The following ZNF679 variants were observed in gnomAD, a reference collection of about 807,000 sequenced individuals.
The protein encoded by ZNF679 is zinc finger protein 679, also known as hypothetical protein MGC42415.
In ZNF679, 10 loss-of-function variants were observed where a neutral mutation model predicts 13.4. The ratio of observed to expected loss-of-function variants is 0.75; its 90% CI spans 0.46 to 1.27. ZNF679 has a LOEUF of 1.27. Among genes scored for constraint, ZNF679 ranks in the 50% most tolerant of loss-of-function variants. ZNF679 has a pLI of 0.00. For synonymous variants in ZNF679, 179 were observed against 162.5 expected, an observed-to-expected ratio of 1.10 and a Z score of -0.77; for missense variants, 525 against 477.8, an observed-to-expected ratio of 1.10 and a Z score of -0.92.
chr7:64,259,014 C>T (rs1239200156), intron 2 of ZNF679, among the ~76,000 whole-genome samples: 9 of 152,008 alleles, frequency 5.9e-5, no homozygotes, highest in South Asian at 2.1e-4. Flanking sequence ...TGGGTTCAAG[C>T]GATTCTCCTG....
At chr7:64,260,985 G>C in intron 4 of ZNF679, 56 bp downstream of exon 4, 1 of 1,518,642 alleles carries the variant, frequency 6.6e-7, no homozygotes, top group Non-Finnish European at 8.9e-7. Context: ...AAGTCAAGGA[G>C]GAAGCCAGTC....
intron 2 of ZNF679, among the ~76,000 whole-genome samples, chr7:64,258,773 T>G (rs1337645102): frequency 6.6e-6 from 1 of 152,150 alleles, no homozygotes; most frequent in Non-Finnish European, 1.5e-5. Context: ...ATATGTTTAC[T>G]TCTCTGCTTG....
At chr7:64,251,646 G>A (rs962961338) in intron 2 of ZNF679, among the ~76,000 whole-genome samples, 2 of 152,078 alleles carry the variant, frequency 1.3e-5, no homozygotes, top group African/African-American at 4.8e-5. Flanking sequence ...CTGGTTCTGG[G>A]TCTTAGTACT....
intron 2 of ZNF679, among the ~76,000 whole-genome samples, chr7:64,257,426 TA>T (rs1788018049): frequency 6.6e-6 from 1 of 152,242 alleles, no homozygotes; most frequent in Non-Finnish European, 1.5e-5. Flanking sequence ...TTGTTCTATA[TA>T]TTTTCTTTTA....
intron 2 of ZNF679, 140 bp downstream of exon 2, chr7:64,249,296 G>C (rs1787911860): frequency 7.3e-7 from 1 of 1,374,940 alleles, no homozygotes; most frequent in Non-Finnish European, 1.0e-6. Context: ...CAGGTGGGCT[G>C]TTAGTCCCCT....
rs759288329 is a variant in ZNF679 at position 64,249,167 on chromosome 7, G to A, written c.39+11G>A. The stretch of plus-strand genomic sequence containing the variant: ...GGAAGCCGAGAAATGGTGAGTGCTG[G>A]GTCTGTCACCGTGAGAGAGGGGTGA... On this transcript the variant is annotated intron_variant, in intron 2 of 4. Transcript: ENST00000421025. 4 of 1,614,106 alleles carry A rather than the reference G, an allele frequency of 2.5e-6. No individual in the cohort carries two copies. Among genetic ancestry groups the A allele is most frequent in the Non-Finnish European group, 3.4e-6 (4 of 1,180,008 alleles).
intron 4 of ZNF679, among the ~76,000 whole-genome samples, chr7:64,265,102 G>T (rs1292971146): frequency 3.3e-5 from 5 of 151,724 alleles, no homozygotes; most frequent in Admixed American, 2.0e-4. Context: ...CAAAATTTTT[G>T]ATTTTTTTGA....
At position 64,266,006 on chromosome 7, in the gene ZNF679, G is replaced by A; in HGVS notation, c.373G>A (p.Val125Ile). The change falls in exon 5 of 5, where the codon GTA becomes ATA. Residue 125 changes from valine (V) to isoleucine (I), a missense_variant. Val to Ile is a conservative substitution (Grantham distance 29). Coordinates refer to ENST00000421025, the MANE Select transcript of ZNF679 (RefSeq NM_153363.3). ...AAAAAGTGGACATGACAATTTACAA[G>A]TAAAAACATGTAAAAGCATGGGTGA... The part of the protein sequence containing the change: ...YGKSGHDNLQ[V>I]KTCKSMGECE... 6.2e-7 allele frequency: 1 copy of A among 1,613,492 alleles called. No homozygotes were observed. The highest frequency in any genetic ancestry group is 1.1e-5 in the South Asian group (1 of 91,066).
At chr7:64,234,303 C>T (rs530979582) in intron 1 of ZNF679, among the ~76,000 whole-genome samples, 79 of 152,308 alleles carry the variant, frequency 5.2e-4, no homozygotes, top group African/African-American at 1.7e-3. Context: ...AGTGCAAAGG[C>T]AAACCTCCTG....
At chr7:64,251,124 A>T (rs1305876229) in intron 2 of ZNF679, among the ~76,000 whole-genome samples, 1 of 151,888 alleles carries the variant, frequency 6.6e-6, no homozygotes, top group Admixed American at 6.6e-5. Flanking sequence ...ATGCTTTGTT[A>T]AAAAAAAGTT....
chr7:64,235,891 T>C (rs1323101461), intron 1 of ZNF679, among the ~76,000 whole-genome samples: 1 of 142,836 alleles, frequency 7.0e-6, no homozygotes, highest in Non-Finnish European at 1.5e-5. Flanking sequence ...ATTTCATAGA[T>C]ACTTAAAAGA....
At chr7:64,233,106 T>C (rs975694836) in intron 1 of ZNF679, among the ~76,000 whole-genome samples, 7 of 151,774 alleles carry the variant, frequency 4.6e-5, no homozygotes, top group African/African-American at 1.7e-4. Flanking sequence ...CTGGGAGTGG[T>C]GGTATGCACC....
intron 1 of ZNF679, among the ~76,000 whole-genome samples, chr7:64,236,987 GAA>G (rs1562840411): frequency 5.9e-4 from 32 of 54,502 alleles, no homozygotes; most frequent in African/African-American, 2.7e-3. Context: ...AAGAAAGAAA[GAA>G]AGAAAGAAAG....
intron 4 of ZNF679, 50 bp from the exon 5 acceptor site, chr7:64,265,846 T>A (rs780437258): frequency 3.4e-4 from 529 of 1,563,896 alleles, no homozygotes; most frequent in South Asian, 2.9e-4. Context: ...GTAAAGTATA[T>A]CTATCTGGGT....
intron 1 of ZNF679, among the ~76,000 whole-genome samples, chr7:64,232,161 G>A (rs762394102): frequency 7.9e-5 from 12 of 152,200 alleles, no homozygotes; most frequent in Admixed American, 2.0e-4. Context: ...TTCATCCTGG[G>A]CGACAGAGTG....
At chr7:64,235,029 G>T (rs1787689509) in intron 1 of ZNF679, among the ~76,000 whole-genome samples, 1 of 152,042 alleles carries the variant, frequency 6.6e-6, no homozygotes, top group African/African-American at 2.4e-5. Context: ...CTAGAGACAG[G>T]GTTTCGCCAT....
intron 2 of ZNF679, among the ~76,000 whole-genome samples, chr7:64,258,698 CAAA>C (rs548892451): frequency 3.0e-5 from 3 of 98,858 alleles, no homozygotes; most frequent in African/African-American, 8.0e-5. Context: ...AAGATGGTCT[CAAA>C]AAAAAAAAAA....
In ZNF679 at chr7:64,266,664, T is replaced by TAA; in HGVS notation, c.1032_1033dup (p.Ile345LysfsTer79). On this transcript the variant is annotated frameshift_variant, in exon 5 of 5. Transcript: ENST00000421025. LOFTEE classifies it low-confidence loss of function (END_TRUNC). ...TCCTCAACCCTTAAGAAACATAAGATAATTCATACTGGAGAGAAACCCTAC... is the reference window on the plus strand; with the variant it reads ...TCCTCAACCCTTAAGAAACATAAGATAAAATTCATACTGGAGAGAAACCCTAC... 2 of 1,612,830 alleles carry TAA rather than the reference T, an allele frequency of 1.2e-6. No homozygotes were observed. Among genetic ancestry groups the TAA allele is most frequent in the South Asian group, 2.2e-5 (2 of 90,982 alleles).
intron 1 of ZNF679, among the ~76,000 whole-genome samples, chr7:64,239,984 T>C (rs1029727406): frequency 6.6e-6 from 1 of 152,180 alleles, no homozygotes; most frequent in Non-Finnish European, 1.5e-5. Context: ...GCCCATCGCC[T>C]AGGTGATGTG....
Sources: gnomAD v4.1 joint callset for allele counts (sites outside exome capture counted in the v4.1 genomes callset) on GRCh38, gnomAD v4.1.1 for gene constraint, MANE v1.5 for transcripts, NCBI Gene and HGNC (gene_info 2026-07-23, HGNC 2026-07-21) for gene names.